Variants in ELAPOR2 observed in about 807,000 individuals in gnomAD.
ELAPOR2 encodes endosome/lysosome-associated apoptosis and autophagy regulator family member 2.
In ELAPOR2, 89 loss-of-function variants were observed where a neutral mutation model predicts 120.7. The ratio of observed to expected loss-of-function variants is 0.74; its 90% CI spans 0.62 to 0.88. The LOEUF (loss-of-function observed/expected upper bound fraction) is 0.88. Ranked by LOEUF, ELAPOR2 falls within the 40% of genes least tolerant of loss-of-function variation. The pLI, the probability that ELAPOR2 is intolerant of heterozygous loss-of-function variation, is 0.00. For missense variants in ELAPOR2, 1,134 were observed against 1,251.6 expected, an observed-to-expected ratio of 0.91 and a Z score of 1.42; for synonymous variants, 444 against 444.9, an observed-to-expected ratio of 1.00 and a Z score of 0.03.
chr7:86,995,049 T>G (rs1793078481), intron 1 of ELAPOR2, among the ~76,000 whole-genome samples: 1 of 152,172 alleles, frequency 6.6e-6, no homozygotes, highest in South Asian at 2.1e-4. Flanking sequence ...GGACTCAGAT[T>G]CTCTTTTTCT....
chr7:87,050,397 A>C (rs1795066510), intron 1 of ELAPOR2, among the ~76,000 whole-genome samples: 1 of 152,046 alleles, frequency 6.6e-6, no homozygotes, highest in Non-Finnish European at 1.5e-5. Flanking sequence ...TCATCTAAAA[A>C]TATGTGGTAC....
At chr7:86,904,221 G>A (rs918179840) in intron 18 of ELAPOR2, among the ~76,000 whole-genome samples, 3 of 152,028 alleles carry the variant, frequency 2.0e-5, no homozygotes, top group Non-Finnish European at 4.4e-5. Flanking sequence ...TTTTTAATAA[G>A]GCCTTTTTAT....
At chr7:86,912,713 T>C (rs1789372335) in intron 14 of ELAPOR2, among the ~76,000 whole-genome samples, 1 of 152,212 alleles carries the variant, frequency 6.6e-6, no homozygotes, top group African/African-American at 2.4e-5. Flanking sequence ...AAAAGCATTC[T>C]TATTTGGGAG....
intron 2 of ELAPOR2, among the ~76,000 whole-genome samples, chr7:86,948,808 G>A (rs1212410344): frequency 6.6e-6 from 1 of 152,010 alleles, no homozygotes; most frequent in Admixed American, 6.6e-5. Flanking sequence ...CTATGTGCAC[G>A]ATGGTATTAG....
chr7:86,944,041 G>A (rs897527853), intron 4 of ELAPOR2, among the ~76,000 whole-genome samples: 2 of 151,926 alleles, frequency 1.3e-5, no homozygotes, highest in African/African-American at 4.8e-5. Flanking sequence ...CCAAACTTCT[G>A]ATTTAGAAAT....
At chr7:87,023,703 A>C (rs1252936607) in intron 1 of ELAPOR2, among the ~76,000 whole-genome samples, 1 of 152,050 alleles carries the variant, frequency 6.6e-6, no homozygotes, top group African/African-American at 2.4e-5. Flanking sequence ...ATGAGCATGG[A>C]ATGTTCTTCC....
At chr7:86,964,273 G>T (rs1245442943) in intron 2 of ELAPOR2, among the ~76,000 whole-genome samples, 1 of 152,014 alleles carries the variant, frequency 6.6e-6, no homozygotes, top group Non-Finnish European at 1.5e-5. Context: ...ATTTTAAAAA[G>T]TAAAGTTTTA....
chr7:87,031,571 C>T (rs1296761178), intron 1 of ELAPOR2, among the ~76,000 whole-genome samples: 3 of 152,130 alleles, frequency 2.0e-5, no homozygotes, highest in African/African-American at 4.8e-5. Context: ...TTTATCAGAA[C>T]AGCGTTAAAT....
intron 18 of ELAPOR2, among the ~76,000 whole-genome samples, chr7:86,902,419 G>T (rs1013923521): frequency 2.0e-5 from 3 of 152,030 alleles, no homozygotes; most frequent in African/African-American, 7.2e-5. Flanking sequence ...CATTTGATCC[G>T]CCTGTCTCGG....
chr7:86,891,855 T>C lies in ELAPOR2; in HGVS notation c.2899A>G (p.Thr967Ala), dbSNP rs779450758. 4.7e-5 allele frequency: 76 copies of C among 1,609,312 alleles called. 1 individual carries two copies. The South Asian group carries it at 8.4e-4, about 18-fold the overall frequency. Residue 967 changes from threonine to alanine, a missense_variant, in exon 21 of 22, where the codon ACT becomes GCT. By Grantham distance (58) the Thr-to-Ala change is moderately conservative. Around this residue, in one of 3 missense-constraint regions of ELAPOR2, gnomAD observed 831 missense variants for 867.6 expected, o/e 0.96. Transcript: ENST00000450689. ...GGGAGTTCACACTCTTTTGAGTTAGTCGTCATTACTAACTTGGAATATTTG... is the reference window on the plus strand; with the variant it reads ...GGGAGTTCACACTCTTTTGAGTTAGCCGTCATTACTAACTTGGAATATTTG... Reference protein sequence around the residue: ...EYKYSKLVMTTNSKECELPAA... With the variant: ...EYKYSKLVMTANSKECELPAA...
chr7:87,024,947 T>C (rs562457063), intron 1 of ELAPOR2, among the ~76,000 whole-genome samples: 1 of 151,082 alleles, frequency 6.6e-6, no homozygotes, highest in South Asian at 2.1e-4. Context: ...GTATCACCCA[T>C]GCCTGCCTTA....
At chr7:87,007,588 C>T (rs1028323195) in intron 1 of ELAPOR2, among the ~76,000 whole-genome samples, 2 of 152,150 alleles carry the variant, frequency 1.3e-5, no homozygotes, top group Admixed American at 1.3e-4. Context: ...AACAAACATG[C>T]TTGGTTCCCA....
chr7:86,912,579 C>A (rs370959879), intron 14 of ELAPOR2, among the ~76,000 whole-genome samples: 1 of 152,196 alleles, frequency 6.6e-6, no homozygotes, highest in African/African-American at 2.4e-5. Context: ...TGGCATCAAT[C>A]TTTGCCATTC....
intron 21 of ELAPOR2, among the ~76,000 whole-genome samples, chr7:86,883,386 G>C (rs1799514739): frequency 6.6e-6 from 1 of 151,894 alleles, no homozygotes; most frequent in South Asian, 2.1e-4. Flanking sequence ...AACATTTTTT[G>C]CTCTCTGAAA....
chr7:87,039,228 C>T lies in ELAPOR2; in HGVS notation c.189+20097G>A, dbSNP rs112443328. On this transcript the variant is annotated intron_variant, in intron 1 of 21. Transcript: ENST00000450689. ...ACTAAACCAGGAAGAAGTCCAAAACCTGAACAGACCAATACCAATGAAATC... is the reference window on the plus strand; with the variant it reads ...ACTAAACCAGGAAGAAGTCCAAAACTTGAACAGACCAATACCAATGAAATC... 8.2e-3 allele frequency among the ~76,000 whole-genome samples: 1,239 copies of T among 152,006 alleles called. 19 individuals are homozygous for T. The highest frequency in any genetic ancestry group is 0.029 in the African/African-American group (1,192 of 41,424).
intron 4 of ELAPOR2, among the ~76,000 whole-genome samples, chr7:86,942,507 T>C (rs1790842320): frequency 6.6e-6 from 1 of 152,126 alleles, no homozygotes; most frequent in African/African-American, 2.4e-5. Flanking sequence ...AAAGCTGTTC[T>C]TTATAATATT....
chr7:87,053,663 G>T (rs1367066665), intron 1 of ELAPOR2, among the ~76,000 whole-genome samples: 1 of 152,180 alleles, frequency 6.6e-6, no homozygotes, highest in Non-Finnish European at 1.5e-5. Flanking sequence ...ATATGTGTCA[G>T]AGAGTAAACA....
At chr7:86,882,392 T>G (rs1799455274) in intron 21 of ELAPOR2, among the ~76,000 whole-genome samples, 1 of 152,116 alleles carries the variant, frequency 6.6e-6, no homozygotes, top group South Asian at 2.1e-4. Flanking sequence ...CAACATGGTG[T>G]TGTGGTGAGG....
chr7:86,949,883 C>A (rs773376703), intron 2 of ELAPOR2, among the ~76,000 whole-genome samples: 15 of 152,338 alleles, frequency 9.8e-5, no homozygotes, highest in Non-Finnish European at 1.9e-4. Context: ...TGGCAGGAGG[C>A]ATAGAGTCTC....
Sources: gnomAD v4.1 joint callset for allele counts (sites outside exome capture counted in the v4.1 genomes callset) on GRCh38, gnomAD v4.1.1 for gene constraint, gnomAD v4.1.1 regional missense constraint, MANE v1.5 for transcripts, NCBI Gene and HGNC (gene_info 2026-07-23, HGNC 2026-07-21) for gene names.